SORCS2: variants seen among roughly 807,000 people sequenced by gnomAD.
SORCS2 encodes sortilin related VPS10 domain containing receptor 2, also known as VPS10 domain-containing receptor SorCS2.
In SORCS2, 100 loss-of-function variants were observed where a neutral mutation model predicts 141.6. The ratio of observed to expected loss-of-function variants is 0.71; its 90% CI spans 0.60 to 0.83. The LOEUF (loss-of-function observed/expected upper bound fraction) is 0.83. Ranked by LOEUF, SORCS2 falls within the 40% of genes least tolerant of loss-of-function variation. The pLI is 0.00. For missense variants in SORCS2, 1,646 were observed against 1,560.2 expected (o/e 1.05, Z -0.93); for synonymous variants, 789 against 676.9 (o/e 1.17, Z -2.57).
At chr4:7,334,643 T>C (rs1036615951) in intron 1 of SORCS2, among the ~76,000 whole-genome samples, 1 of 152,114 alleles carries the variant, frequency 6.6e-6, no homozygotes, top group Non-Finnish European at 1.5e-5. Flanking sequence ...GCGGGGAGTG[T>C]GCACATGCGC....
At chr4:7,627,969 C>T (rs549270099) in intron 3 of SORCS2, among the ~76,000 whole-genome samples, 33 of 152,218 alleles carry the variant, frequency 2.2e-4, no homozygotes, top group African/African-American at 2.2e-4. Flanking sequence ...TGCACCCAAG[C>T]GGGGGCCTGG....
chr4:7,394,259 T>G (rs1159268919), intron 1 of SORCS2, among the ~76,000 whole-genome samples: 1 of 151,870 alleles, frequency 6.6e-6, no homozygotes, highest in Non-Finnish European at 1.5e-5. Context: ...TTTCTTTCAG[T>G]GAGTGGTGTG....
chr4:7,232,398 C>T (rs149967599), intron 1 of SORCS2, among the ~76,000 whole-genome samples: 22 of 152,280 alleles, frequency 1.4e-4, no homozygotes, highest in Admixed American at 7.8e-4. Context: ...CAGGGCCCGG[C>T]GCCTGGACGC....
chr4:7,335,583 G>C (rs570759879), intron 1 of SORCS2, among the ~76,000 whole-genome samples: 1 of 152,340 alleles, frequency 6.6e-6, no homozygotes, highest in South Asian at 2.1e-4. Flanking sequence ...GGAGGCAGCT[G>C]CAGTCTTGCT....
At chr4:7,695,558 G>T (rs1355769898) in intron 11 of SORCS2, among the ~76,000 whole-genome samples, 3 of 5,360 alleles carry the variant, frequency 5.6e-4, no homozygotes, top group East Asian at 3.4e-3. Context: ...ATGGATGGAT[G>T]GATGCATGGA....
At chr4:7,588,059 C>T (rs1412579321) in intron 3 of SORCS2, among the ~76,000 whole-genome samples, 1 of 152,200 alleles carries the variant, frequency 6.6e-6, no homozygotes, top group Non-Finnish European at 1.5e-5. Flanking sequence ...GTCCTTGGTC[C>T]TCCAGTCGCT....
Position 7,251,530 on chromosome 4 carries a change from G to A in SORCS2, c.480+58404G>A, listed in dbSNP as rs540061320. On this transcript the variant is annotated intron_variant, in intron 1 of 26. Transcript: ENST00000507866. ...GTTATTGCAACATGATAGCAAGCAA[G>A]TACTGGATCAAGATGACCAGGATTC... 4.6e-5 allele frequency among the ~76,000 whole-genome samples: 7 copies of A among 152,326 alleles called. No homozygotes were observed. In the East Asian group the frequency reaches 1.4e-3, roughly 29 times the overall value.
chr4:7,193,106 T>C lies in SORCS2; in HGVS notation c.460T>C (p.Trp154Arg). Residue 154 changes from tryptophan to arginine, a missense_variant, in exon 1 of 27, where the codon TGG becomes CGG. Physicochemically the swap from Trp to Arg is moderately radical, Grantham distance 101. Coordinates refer to ENST00000507866, the MANE Select transcript of SORCS2 (RefSeq NM_020777.3). The surrounding 1 kb of genome is among the most constrained non-coding windows in gnomAD (Gnocchi z 4.8). ...DATHNQAMVH[W>R]TGENSSVILI... Reference sequence around the variant, plus strand: ...GACGCACAACCAGGCGATGGTGCACTGGACGGGCGAGAACAGCAGCGTAAG... The same window carrying C: ...GACGCACAACCAGGCGATGGTGCACCGGACGGGCGAGAACAGCAGCGTAAG... 1.9e-6 allele frequency: 3 copies of C among 1,552,410 alleles called. No individual in the cohort carries two copies. The highest frequency in any genetic ancestry group is 1.4e-5 in the African/African-American group (1 of 70,968).
chr4:7,433,007 G>A (rs1191685870), intron 2 of SORCS2: 2 of 242,846 alleles, frequency 8.2e-6, no homozygotes, highest in Non-Finnish European at 7.8e-6. Context: ...GAGCCCATGG[G>A]CAGGCTCTCA....
intron 1 of SORCS2, among the ~76,000 whole-genome samples, chr4:7,197,321 C>T (rs1177896682): frequency 6.6e-6 from 1 of 152,172 alleles, no homozygotes; most frequent in Non-Finnish European, 1.5e-5. Context: ...AGGACTTCAA[C>T]GTATGGATTT....
Position 7,740,135 on chromosome 4 carries a change from C to T in SORCS2, c.3416-65C>T, listed in dbSNP as rs956098725. 6 of 1,416,636 alleles carry T rather than the reference C, an allele frequency of 4.2e-6. No homozygotes were observed. The African/African-American group carries it at 7.1e-5, about 17-fold the overall frequency. The allele number at this position is 1,416,636 out of a possible 1,614,324, so 87.8% of individuals were successfully genotyped here. On this transcript the variant is annotated intron_variant, in intron 26 of 26. Transcript: ENST00000507866. The stretch of plus-strand genomic sequence containing the variant: ...CACTGCCTGAGGCCACGACCGTGTC[C>T]CCTGTGGCCCTGTCTCCAGTCCCGG...
At chr4:7,612,006 T>C (rs1718436984) in intron 3 of SORCS2, among the ~76,000 whole-genome samples, 1 of 152,134 alleles carries the variant, frequency 6.6e-6, no homozygotes, top group Non-Finnish European at 1.5e-5. Flanking sequence ...TCCGGTTTCA[T>C]CTGATGTGAT....
rs77717932 is a variant in SORCS2, at chr4:7,364,648, A to G, written c.481-31640A>G. On this transcript the variant is annotated intron_variant, in intron 1 of 26. Coordinates refer to ENST00000507866, the MANE Select transcript of SORCS2 (RefSeq NM_020777.3). ...ATTTTTGTTCATTTCCCTCCACAAA[A>G]CAGAATGCAAGTCAGGGAGCAAGCT... Among the ~76,000 whole-genome samples the G allele has an allele frequency of 8.9e-4, 135 of 152,264 alleles. No homozygotes were observed. The East Asian group carries it at 0.02, about 22-fold the overall frequency.
chr4:7,725,339 G>A (rs1727142204), intron 20 of SORCS2, 52 bp downstream of exon 20: 1 of 1,579,730 alleles, frequency 6.3e-7, no homozygotes, highest in Admixed American at 1.8e-5. Flanking sequence ...CTCCCCACAA[G>A]CTGCACAGTG....
chr4:7,658,025 G>T (rs926636124), intron 5 of SORCS2, among the ~76,000 whole-genome samples: 30 of 152,184 alleles, frequency 2.0e-4, no homozygotes, highest in African/African-American at 7.2e-4. Flanking sequence ...GAGTGAGCGA[G>T]TCTGTGACTG....
chr4:7,344,871 G>T (rs183168972), intron 1 of SORCS2, among the ~76,000 whole-genome samples: 1 of 152,330 alleles, frequency 6.6e-6, no homozygotes, highest in African/African-American at 2.4e-5. Context: ...TCTGCGTGAG[G>T]AGCACAGTGG....
chr4:7,677,856 C>T (rs1040557160), intron 9 of SORCS2, among the ~76,000 whole-genome samples: 3 of 152,194 alleles, frequency 2.0e-5, no homozygotes, highest in African/African-American at 7.2e-5. Flanking sequence ...AGCGCCCACC[C>T]CCACCCCTAG....
At chr4:7,538,355 G>T (rs1016650984) in intron 3 of SORCS2, among the ~76,000 whole-genome samples, 1 of 152,118 alleles carries the variant, frequency 6.6e-6, no homozygotes, top group South Asian at 2.1e-4. Flanking sequence ...GGCCCTGGGG[G>T]CCCTGACGAC....
intron 1 of SORCS2, among the ~76,000 whole-genome samples, chr4:7,313,417 GTCAGGCTGCTC>G (rs1718332262): frequency 6.6e-6 from 1 of 152,204 alleles, no homozygotes; most frequent in South Asian, 2.1e-4. Context: ...GAATGCAAAT[GTCAGGCTGCTC>G]TCTGGGTTGC....
Sources: gnomAD v4.1 joint callset for allele counts (sites outside exome capture counted in the v4.1 genomes callset) on GRCh38, gnomAD v4.1.1 for gene constraint, Gnocchi (gnomAD v3.1) non-coding constraint, MANE v1.5 for transcripts, NCBI Gene and HGNC (gene_info 2026-07-23, HGNC 2026-07-21) for gene names.